SELPLG: variants seen among roughly 807,000 people sequenced by gnomAD.
The protein encoded by SELPLG is P-selectin glycoprotein ligand 1.
In SELPLG, 2 loss-of-function variants were observed where a neutral mutation model predicts 1.1. That is an observed-to-expected ratio of 1.82 (90% CI 0.74 to 5.71). The LOEUF (loss-of-function observed/expected upper bound fraction) is 5.71. Ranked by LOEUF, SELPLG falls within the 30% of genes most tolerant of loss-of-function variation. The pLI is 0.05. For missense variants in SELPLG, 478 were observed against 524.7 expected, an observed-to-expected ratio of 0.91 and a Z score of 0.87; for synonymous variants, 230 against 221.2, an observed-to-expected ratio of 1.04 and a Z score of -0.35.
In SELPLG at chr12:108,623,364, A is replaced by G. The variant is rs780319681; in HGVS notation, c.944T>C (p.Ile315Thr). ...VNYPVGAPDH[I>T]SVKQCLLAIL... ...GGCCAGCAGGCACTGCTTCACAGAG[A>G]TGTGGTCTGGGGCCCCCACTGGGTA... is the stretch of plus-strand genomic sequence containing the variant. The change falls in exon 2 of 2, where the codon ATC becomes ACC. Residue 315 changes from isoleucine to threonine, a missense_variant. Transcript: ENST00000550948. 5 of 1,614,084 alleles carry G rather than the reference A, an allele frequency of 3.1e-6. No homozygotes were observed. The highest frequency in any genetic ancestry group is 1.7e-5 in the Admixed American group (1 of 60,008).
chr12:108,623,105 C>T lies in SELPLG; in HGVS notation c.1203G>A (p.Glu401=). ...GLTPEPREDR[E]GDDLTLHSFL... is the part of the protein sequence containing the mutation. ...AGCTGTGCAGGGTGAGGTCATCCCC[C>T]TCACGGTCCTCCCTGGGCTCTGGCG... The change falls in exon 2 of 2, where the codon GAG becomes GAA. Residue 401 remains glutamate, a synonymous_variant. Coordinates refer to ENST00000550948, the MANE Select transcript of SELPLG (RefSeq NM_003006.4). The T allele has an allele frequency of 1.9e-6, 3 of 1,540,052 alleles. No individual in the cohort carries two copies. Among genetic ancestry groups the T allele is most frequent in the Non-Finnish European group, 2.6e-6 (3 of 1,145,162 alleles).
intron 1 of SELPLG, among the ~76,000 whole-genome samples, chr12:108,629,543 C>A (rs1014015835): frequency 1.3e-5 from 2 of 152,074 alleles, no homozygotes; most frequent in African/African-American, 4.8e-5. Flanking sequence ...AGACCCATAT[C>A]TACAAAAAAA....
In SELPLG at chr12:108,622,787, G is replaced by A; in HGVS notation, c.*282C>T. 1 of 413,956 alleles carries A rather than the reference G, an allele frequency of 2.4e-6. No homozygotes were observed. The highest frequency in any genetic ancestry group is 3.6e-5 in the East Asian group (1 of 27,590). The allele number at this position is 413,956 out of a possible 1,614,324, so 25.6% of individuals were successfully genotyped here. A position where few individuals can be genotyped will look rare whatever the true frequency, so the allele number is the denominator to read the frequency against. On this transcript the variant is annotated 3_prime_UTR_variant, in exon 2 of 2. Coordinates refer to ENST00000550948, the MANE Select transcript of SELPLG (RefSeq NM_003006.4). Reference sequence around the variant, plus strand: ...AGAGAAGATGGGGGACAGGAAAAAGGAGAGAATCTGTCTCAAGTAAATGGC... The same window carrying A: ...AGAGAAGATGGGGGACAGGAAAAAGAAGAGAATCTGTCTCAAGTAAATGGC...
rs145879971 is a variant in SELPLG, at chr12:108,623,694, G to A, written c.614C>T (p.Ala205Val). ...GGTCTGTGCTTCCATGGCTGCTGGT[G>A]CAGTGGTCTGTGCCTCCATGGCTGC... ...APAAMEAQTT[A>V]PAAMEAQTTP... Residue 205 changes from alanine to valine, a missense_variant, in exon 2 of 2, where the codon GCA (alanine) becomes GTA (valine). By Grantham distance (64) the Ala-to-Val change is moderately conservative (BLOSUM62 0). Coordinates refer to ENST00000550948, the MANE Select transcript of SELPLG (RefSeq NM_003006.4). The A allele has an allele frequency of 2.0e-5, 30 of 1,519,072 alleles. No homozygotes were observed. In the East Asian group the frequency reaches 6.3e-4, roughly 32 times the overall value. 94.1% of individuals were successfully genotyped at this position (1,519,072 alleles called of 1,614,324 possible).
chr12:108,623,762 C>T lies in SELPLG; in HGVS notation c.546G>A (p.Gln182=). Residue 182 remains glutamine, a synonymous_variant, in exon 2 of 2, where the codon CAG becomes CAA. Transcript: ENST00000550948. ...QTTPPAATEA[Q]TTQPTGLEAQ... ...CCTCCAGGCCTGTGGGTTGAGTGGT[C>T]TGTGCTTCCGTGGCTGCTGGTGGAG... The T allele has an allele frequency of 1.2e-6, 2 of 1,612,640 alleles. No homozygotes were observed. Among genetic ancestry groups the T allele is most frequent in the Non-Finnish European group, 1.7e-6 (2 of 1,179,636 alleles).
At chr12:108,631,793 C>T in intron 1 of SELPLG, 1 of 1,182,350 alleles carries the variant, frequency 8.5e-7, no homozygotes, top group South Asian at 1.3e-5. Flanking sequence ...TGTCTTTAAA[C>T]AGTTTTCTAA....
intron 1 of SELPLG, chr12:108,631,843 C>T (rs1457296223): frequency 4.6e-6 from 7 of 1,505,746 alleles, no homozygotes; most frequent in Admixed American, 2.0e-5. Context: ...AACACAGACC[C>T]CCAACACACA....
At chr12:108,632,278 G>A (rs1029739413) in intron 1 of SELPLG, among the ~76,000 whole-genome samples, 2 of 152,278 alleles carry the variant, frequency 1.3e-5, no homozygotes, top group South Asian at 2.1e-4. Context: ...CCCACTGAGG[G>A]GCCTGGCTCT....
chr12:108,623,129 C>A lies in SELPLG; in HGVS notation c.1179G>T (p.Thr393=). 2 of 1,590,422 alleles carry A rather than the reference C, an allele frequency of 1.3e-6. No individual in the cohort carries two copies. Among genetic ancestry groups the A allele is most frequent in the South Asian group, 1.1e-5 (1 of 88,162 alleles). The change falls in exon 2 of 2, where the codon ACG becomes ACT. Residue 393 remains threonine, a synonymous_variant. Coordinates refer to ENST00000550948, the MANE Select transcript of SELPLG (RefSeq NM_003006.4). The part of the protein sequence containing the change: ...GLSKAKSPGL[T]PEPREDREGD... ...CCTCACGGTCCTCCCTGGGCTCTGG[C>A]GTCAGGCCCGGGCTCTTGGCCTTGG... is the stretch of plus-strand genomic sequence containing the variant.
chr12:108,633,864 C>G lies in SELPLG; in HGVS notation c.-130G>C, dbSNP rs1027043611. 1 of 152,382 alleles carries G rather than the reference C, an allele frequency of 6.6e-6. No individual in the cohort carries two copies. The highest frequency in any genetic ancestry group is 1.5e-5 in the Non-Finnish European group (1 of 68,180). 9.4% of individuals were successfully genotyped at this position (152,382 alleles called of 1,614,324 possible). ...GCTGTGGCACCCCCTGCGGCAGTCC[C>G]GGATCCGAGCAACCCCCAATGGCTG... On this transcript the variant is annotated 5_prime_UTR_variant, in exon 1 of 2. Transcript: ENST00000550948.
In SELPLG at chr12:108,623,699, G is replaced by A; in HGVS notation, c.609C>T (p.Thr203=). 6.2e-7 allele frequency: 1 copy of A among 1,603,254 alleles called. No individual in the cohort carries two copies. Among genetic ancestry groups the A allele is most frequent in the Non-Finnish European group, 8.5e-7 (1 of 1,175,920 alleles). The change falls in exon 2 of 2, where the codon ACC becomes ACT. Residue 203 remains threonine (T), a synonymous_variant. Coordinates refer to ENST00000550948, the MANE Select transcript of SELPLG (RefSeq NM_003006.4). ...TTAPAAMEAQ[T]TAPAAMEAQT... ...GTGCTTCCATGGCTGCTGGTGCAGT[G>A]GTCTGTGCCTCCATGGCTGCTGGTG...
Position 108,624,100 on chromosome 12 carries a change from T to G in SELPLG, c.208A>C (p.Thr70Pro), listed in dbSNP as rs746015434. The G allele has an allele frequency of 2.3e-5, 37 of 1,613,380 alleles. No homozygotes were observed. The South Asian group carries it at 4.1e-4, about 18-fold the overall frequency. ...GGGGTTCCAGGCCCAGTCAGAGGAG[T>G]GGTGTCAGTGCTGTTCCTCAGCATT... Reference protein sequence around the residue: ...PEMLRNSTDTTPLTGPGTPES... With the variant: ...PEMLRNSTDTPPLTGPGTPES... The change falls in exon 2 of 2, where the codon ACT becomes CCT. Residue 70 changes from threonine (T) to proline (P), a missense_variant. Thr to Pro is a conservative substitution (Grantham distance 38). Transcript: ENST00000550948.
At chr12:108,632,491 T>C (rs1383606093) in intron 1 of SELPLG, among the ~76,000 whole-genome samples, 1 of 151,610 alleles carries the variant, frequency 6.6e-6, no homozygotes, top group Non-Finnish European at 1.5e-5. Flanking sequence ...TGAAAGTATC[T>C]CAAATACAAA....
intron 1 of SELPLG, among the ~76,000 whole-genome samples, chr12:108,631,268 T>G (rs111428709): frequency 4.6e-5 from 7 of 152,344 alleles, no homozygotes; most frequent in African/African-American, 1.7e-4. Context: ...GTTTATTTAT[T>G]TATTTAATTT....
rs138529391 is a variant in SELPLG, at chr12:108,623,746, C to T, written c.562G>A (p.Gly188Ser). Reference protein sequence around the residue: ...ATEAQTTQPTGLEAQTTAPAA... With the variant: ...ATEAQTTQPTSLEAQTTAPAA... The stretch of plus-strand genomic sequence containing the variant: ...GGTGCAGTGGTCTGTGCCTCCAGGC[C>T]TGTGGGTTGAGTGGTCTGTGCTTCC... Residue 188 changes from glycine (G) to serine (S), a missense_variant, in exon 2 of 2, where the codon GGC (glycine) becomes AGC (serine). Physicochemically the swap from Gly to Ser is moderately conservative, Grantham distance 56. Coordinates refer to ENST00000550948, the MANE Select transcript of SELPLG (RefSeq NM_003006.4). 3.7e-4 allele frequency: 600 copies of T among 1,608,820 alleles called. 1 individual carries two copies. The highest frequency in any genetic ancestry group is 4.5e-4 in the Non-Finnish European group (534 of 1,178,354).
chr12:108,626,546 G>A (rs1329004730), intron 1 of SELPLG, among the ~76,000 whole-genome samples: 1 of 152,152 alleles, frequency 6.6e-6, no homozygotes, highest in Non-Finnish European at 1.5e-5. Flanking sequence ...GCCCAGTCTG[G>A]AGTGCAGTAG....
Position 108,623,966 on chromosome 12 carries a change from C to T in SELPLG, c.342G>A (p.Thr114=), listed in dbSNP as rs767838390. ...TELANMGNLS[T]DSAAMEIQTT... ...TCTGTATCTCCATAGCTGCTGAATC[C>T]GTGGACAGGTTCCCCATGTTGGCCA... Residue 114 remains threonine, a synonymous_variant, in exon 2 of 2, where the codon ACG becomes ACA. Transcript: ENST00000550948. The T allele has an allele frequency of 6.3e-5, 101 of 1,614,060 alleles. No homozygotes were observed. Among genetic ancestry groups the T allele is most frequent in the Middle Eastern group, 1.6e-4 (1 of 6,082 alleles).
intron 1 of SELPLG, among the ~76,000 whole-genome samples, chr12:108,630,363 C>A (rs769012135): frequency 6.6e-6 from 1 of 152,212 alleles, no homozygotes; most frequent in African/African-American, 2.4e-5. Flanking sequence ...TGGGGCTCCA[C>A]GCCGCTAGGA....
At chr12:108,633,510 AG>A (rs778923175) in intron 1 of SELPLG, among the ~76,000 whole-genome samples, 18 of 152,284 alleles carry the variant, frequency 1.2e-4, no homozygotes, top group Non-Finnish European at 2.2e-4. Flanking sequence ...CAAAAAAAGA[AG>A]GAAAAAAAAA....
Sources: allele counts gnomAD v4.1 joint callset (sites outside exome capture counted in the v4.1 genomes callset), GRCh38; gene constraint gnomAD v4.1.1; transcripts MANE v1.5; gene names NCBI Gene and HGNC (gene_info 2026-07-23, HGNC 2026-07-21).